The following CACNA1A variants were observed in gnomAD, a reference collection of about 807,000 sequenced individuals.
CACNA1A encodes calcium voltage-gated channel subunit alpha1 A, also known as voltage-dependent P/Q-type calcium channel subunit alpha-1A.
CACNA1A carries 57 observed loss-of-function variants against 262.4 expected under a neutral mutation model. The observed-to-expected ratio is 0.22, with a 90% CI of 0.18 to 0.27. The LOEUF is 0.27. CACNA1A is among the 10% of genes least tolerant of loss of function. The pLI is 1.00. For synonymous variants in CACNA1A, 1,431 were observed against 1,419.3 expected, an observed-to-expected ratio of 1.01 and a Z score of -0.18; for missense variants, 2,526 against 3,562.8, an observed-to-expected ratio of 0.71 and a Z score of 7.41.
At chr19:13,410,831 A>C (rs1599391477) in intron 3 of CACNA1A, among the ~76,000 whole-genome samples, 1 of 152,124 alleles carries the variant, frequency 6.6e-6, no homozygotes, top group African/African-American at 2.4e-5. Flanking sequence ...GAAATGGCTT[A>C]GCACTTTCCT....
intron 24 of CACNA1A, among the ~76,000 whole-genome samples, chr19:13,269,484 G>C (rs1398980801): frequency 1.3e-5 from 2 of 152,220 alleles, no homozygotes; most frequent in Non-Finnish European, 2.9e-5. Flanking sequence ...AGGATCAAGA[G>C]ATAGCAGCCT....
intron 1 of CACNA1A, 96 bp downstream of exon 1, chr19:13,505,836 C>T: frequency 7.7e-7 from 1 of 1,300,256 alleles, no homozygotes; most frequent in African/African-American, 1.5e-5. Flanking sequence ...TCCCCACCTC[C>T]CATCAACCCC....
chr19:13,381,694 C>A (rs776472562), intron 3 of CACNA1A, among the ~76,000 whole-genome samples: 6 of 152,204 alleles, frequency 3.9e-5, no homozygotes, highest in Non-Finnish European at 8.8e-5. Context: ...TCACTCTGTT[C>A]CAGCCACACC....
intron 5 of CACNA1A, chr19:13,364,433 T>G (rs1409502657): frequency 6.6e-6 from 1 of 152,244 alleles, no homozygotes; most frequent in African/African-American, 2.4e-5. Context: ...CTCTCCCCAC[T>G]TCTTGCTTGC....
chr19:13,336,996 A>T (rs1293996032), intron 6 of CACNA1A, among the ~76,000 whole-genome samples: 1 of 152,242 alleles, frequency 6.6e-6, no homozygotes, highest in African/African-American at 2.4e-5. Flanking sequence ...TGGCTTTAAA[A>T]GCCCACCTTT....
At chr19:13,243,564 T>TC (rs1555740398) in intron 31 of CACNA1A, 29,092 of 148,754 alleles carry the variant, frequency 0.2, 2,982 homozygotes, top group South Asian at 0.31. Context: ...TTTCTTTCTT[T>TC]TTTTTTTTGA....
intron 1 of CACNA1A, among the ~76,000 whole-genome samples, chr19:13,497,921 T>G (rs1981882422): frequency 1.3e-5 from 2 of 151,884 alleles, no homozygotes; most frequent in Non-Finnish European, 2.9e-5. Context: ...AGCTGAGATT[T>G]GCAGCCAGGG....
intron 30 of CACNA1A, among the ~76,000 whole-genome samples, chr19:13,250,734 G>A (rs1323390145): frequency 2.6e-5 from 4 of 152,192 alleles, no homozygotes; most frequent in Non-Finnish European, 4.4e-5. Flanking sequence ...CCTTGGCCAT[G>A]TGAGAATAGT....
intron 8 of CACNA1A, among the ~76,000 whole-genome samples, chr19:13,333,457 C>A (rs961060212): frequency 3.3e-5 from 5 of 151,658 alleles, no homozygotes; most frequent in Admixed American, 3.3e-4. Context: ...TTCTCTGACA[C>A]AGAGTCTCAC....
chr19:13,317,744 C>T (rs1178715103), intron 10 of CACNA1A, among the ~76,000 whole-genome samples: 1 of 152,196 alleles, frequency 6.6e-6, no homozygotes, highest in Non-Finnish European at 1.5e-5. Context: ...GACTGTTTTC[C>T]ATGGACATTT....
intron 31 of CACNA1A, among the ~76,000 whole-genome samples, chr19:13,240,291 TGACTGTGTGTGTATAGC>T (rs1740911072): frequency 6.6e-6 from 1 of 151,836 alleles, no homozygotes; most frequent in African/African-American, 2.4e-5. Flanking sequence ...GTGTGTGCAG[TGACTGTGTGTGTATAGC>T]GACTGTGTGT....
intron 6 of CACNA1A, among the ~76,000 whole-genome samples, chr19:13,352,333 A>G (rs2058926408): frequency 6.6e-6 from 1 of 150,824 alleles, no homozygotes; most frequent in Non-Finnish European, 1.5e-5. Context: ...CTTGAACCCC[A>G]GAGGTGAGCC....
chr19:13,220,111 T>A (rs1248429443), intron 38 of CACNA1A, among the ~76,000 whole-genome samples: 2 of 149,794 alleles, frequency 1.3e-5, no homozygotes, highest in Non-Finnish European at 3.0e-5. Flanking sequence ...TACAAAAAAA[T>A]TTAGCTGGGC....
intron 16 of CACNA1A, 53 bp from the exon 17 acceptor site, chr19:13,303,666 C>G: frequency 6.3e-7 from 1 of 1,587,916 alleles, no homozygotes; most frequent in Non-Finnish European, 8.6e-7. Flanking sequence ...CCACTTGGGC[C>G]CTGGGTATCT....
At chr19:13,357,653 T>A (rs1315205346) in intron 6 of CACNA1A, among the ~76,000 whole-genome samples, 1 of 152,184 alleles carries the variant, frequency 6.6e-6, no homozygotes, top group Non-Finnish European at 1.5e-5. Flanking sequence ...GAAGGTGAAC[T>A]GTGGTGAGGA....
At chr19:13,332,386 C>T (rs10413204) in intron 9 of CACNA1A, among the ~76,000 whole-genome samples, 7,053 of 151,274 alleles carry the variant, frequency 0.047, 529 homozygotes, top group African/African-American at 0.16. Flanking sequence ...GGTGACAGAG[C>T]GAGACTCTGT....
At chr19:13,304,950 G>C (rs2057871605) in intron 15 of CACNA1A, among the ~76,000 whole-genome samples, 1 of 152,196 alleles carries the variant, frequency 6.6e-6, no homozygotes, top group African/African-American at 2.4e-5. Flanking sequence ...TGGTCATGGT[G>C]ATGATTAAAC....
chr19:13,427,085 C>T (rs916570597), intron 3 of CACNA1A, among the ~76,000 whole-genome samples: 1 of 152,138 alleles, frequency 6.6e-6, no homozygotes, highest in Non-Finnish European at 1.5e-5. Context: ...GCCCACAGTT[C>T]ATAGTCAAGG....
At chr19:13,249,019 A>C (rs1235810180) in intron 30 of CACNA1A, among the ~76,000 whole-genome samples, 1 of 152,084 alleles carries the variant, frequency 6.6e-6, no homozygotes, top group Non-Finnish European at 1.5e-5. Context: ...CTCAGGCTGG[A>C]GGGCAGTGAT....
Sources: allele counts gnomAD v4.1 joint callset (sites outside exome capture counted in the v4.1 genomes callset), GRCh38; gene constraint gnomAD v4.1.1; transcripts MANE v1.5; gene names NCBI Gene and HGNC (gene_info 2026-07-23, HGNC 2026-07-21).